Variants in RAB5A observed in about 807,000 individuals in gnomAD.
The protein encoded by RAB5A is ras-related protein Rab-5A.
RAB5A carries 8 observed loss-of-function variants against 25.7 expected under a neutral mutation model. The ratio of observed to expected loss-of-function variants is 0.31; its 90% CI spans 0.18 to 0.56. The LOEUF (loss-of-function observed/expected upper bound fraction) is 0.56. RAB5A is among the 20% of genes least tolerant of loss of function. RAB5A has a pLI of 0.91. For missense variants in RAB5A, 192 were observed against 259.7 expected (o/e 0.74, Z 1.79); for synonymous variants, 98 against 89.8 (o/e 1.09, Z -0.52).
intron 5 of RAB5A, among the ~76,000 whole-genome samples, chr3:19,980,429 T>C (rs1002992477): frequency 6.7e-6 from 1 of 148,928 alleles, no homozygotes; most frequent in African/African-American, 2.5e-5. Context: ...TTCCATTTCC[T>C]TCACTAGGTT....
rs1323306931 is a variant in RAB5A at position 19,947,437 on chromosome 3, T to C, written c.-178T>C. 3 of 157,066 alleles carry C rather than the reference T, an allele frequency of 1.9e-5. No homozygotes were observed. The highest frequency in any genetic ancestry group is 1.8e-4 in the South Asian group (1 of 5,690). 9.7% of individuals were successfully genotyped at this position (157,066 alleles called of 1,614,324 possible). On this transcript the variant is annotated 5_prime_UTR_variant, in exon 1 of 6. Transcript: ENST00000273047. Reference sequence around the variant, plus strand: ...GCCGCCGCCGCCACCACCACCGCCATAGATACACTCTCATCCTACGGGCCA... The same window carrying C: ...GCCGCCGCCGCCACCACCACCGCCACAGATACACTCTCATCCTACGGGCCA...
chr3:19,984,053 C>G lies in RAB5A; in HGVS notation c.*230C>G. 2.1e-6 allele frequency: 1 copy of G among 471,296 alleles called. No homozygotes were observed. 29.2% of individuals were successfully genotyped at this position (471,296 alleles called of 1,614,324 possible). On this transcript the variant is annotated 3_prime_UTR_variant, in exon 6 of 6. Transcript: ENST00000273047. ...GGGAAAAATGAGAACTATGTGGACA[C>G]TTGTTTCATTGGAAGGTTAGGGGGA...
At position 19,971,213 on chromosome 3, in the gene RAB5A, A is replaced by AAC. The variant is rs1553639429; in HGVS notation, c.164-4387_164-4386insCA. Among the ~76,000 whole-genome samples, 131 of 146,320 alleles carry AAC rather than the reference A, an allele frequency of 9.0e-4. 6 individuals are homozygous for AAC. The highest frequency in any genetic ancestry group is 3.5e-3 in the Middle Eastern group (1 of 288). ...ACTCCATCTCAAAAAAAAAAAAAAA[A>AAC]AACACTATAGTAGTATTTTAAAACT... On this transcript the variant is annotated intron_variant, in intron 2 of 5. Transcript: ENST00000273047.
intron 2 of RAB5A, among the ~76,000 whole-genome samples, chr3:19,953,552 C>A (rs1218969283): frequency 6.6e-6 from 1 of 151,854 alleles, no homozygotes; most frequent in South Asian, 2.1e-4. Flanking sequence ...GGACTACAGG[C>A]GCAAGCCACC....
chr3:19,958,033 T>A (rs560811632), intron 2 of RAB5A, among the ~76,000 whole-genome samples: 37 of 152,298 alleles, frequency 2.4e-4, no homozygotes, highest in African/African-American at 8.9e-4. Flanking sequence ...TTTGTATAAT[T>A]ATAATCTGTG....
intron 2 of RAB5A, among the ~76,000 whole-genome samples, chr3:19,967,371 C>T (rs1194839802): frequency 6.6e-6 from 1 of 152,182 alleles, no homozygotes; most frequent in Non-Finnish European, 1.5e-5. Flanking sequence ...TCTTGAACTC[C>T]TGACCTCGGG....
At chr3:19,967,588 T>C (rs554162133) in intron 2 of RAB5A, among the ~76,000 whole-genome samples, 2 of 152,324 alleles carry the variant, frequency 1.3e-5, no homozygotes, top group African/African-American at 4.8e-5. Flanking sequence ...AGATCACCTC[T>C]TAAGATGGAT....
At position 19,976,053 on chromosome 3, in the gene RAB5A, T is replaced by C. The variant is rs1696820406; in HGVS notation, c.322T>C (p.Phe108Leu). ...VVYDITNEES[F>L]ARAKNWVKEL... ...CTGTTTCTTTGTTTAACAGGAGTCC[T>C]TTGCAAGAGCAAAAAATTGGGTTAA... The change falls in exon 4 of 6, where the codon TTT becomes CTT. Residue 108 changes from phenylalanine (F) to leucine (L), a missense_variant. Phe to Leu is a conservative substitution (Grantham distance 22, BLOSUM62 0). Coordinates refer to ENST00000273047, the MANE Select transcript of RAB5A (RefSeq NM_004162.5). 2 of 1,611,222 alleles carry C rather than the reference T, an allele frequency of 1.2e-6. No individual in the cohort carries two copies. Among genetic ancestry groups the C allele is most frequent in the African/African-American group, 2.7e-5 (2 of 74,904 alleles).
intron 5 of RAB5A, among the ~76,000 whole-genome samples, chr3:19,981,474 TGTG>T (rs773716342): frequency 2.6e-5 from 4 of 151,524 alleles, no homozygotes; most frequent in Non-Finnish European, 5.9e-5. Flanking sequence ...ATTAGCTGGG[TGTG>T]GTGGTATGTG....
At chr3:19,980,010 T>C (rs545282255) in intron 5 of RAB5A, 1 of 152,366 alleles carries the variant, frequency 6.6e-6, no homozygotes, top group South Asian at 2.1e-4. Context: ...CAGAGTTTAA[T>C]GGTACTTCAT....
intron 5 of RAB5A, among the ~76,000 whole-genome samples, chr3:19,981,039 C>T (rs538946862): frequency 6.6e-6 from 1 of 152,298 alleles, no homozygotes; most frequent in East Asian, 1.9e-4. Flanking sequence ...AAGTTAGAGT[C>T]TTACCATAGT....
At chr3:19,966,790 T>A (rs781723236) in intron 2 of RAB5A, among the ~76,000 whole-genome samples, 2 of 152,138 alleles carry the variant, frequency 1.3e-5, no homozygotes, top group African/African-American at 2.4e-5. Flanking sequence ...ATGTGCTTAT[T>A]GGATTTATTT....
rs1198667298 is a variant in RAB5A at position 19,984,039 on chromosome 3, G to T, written c.*216G>T. 1.4e-5 allele frequency: 7 copies of T among 493,984 alleles called. No individual in the cohort carries two copies. In the Admixed American group the frequency reaches 1.5e-4, roughly 10 times the overall value. The allele number at this position is 493,984 out of a possible 1,614,324, so 30.6% of individuals were successfully genotyped here. Reference sequence around the variant, plus strand: ...ATGTTTCAACAATAGGGAAAAATGAGAACTATGTGGACACTTGTTTCATTG... The same window carrying T: ...ATGTTTCAACAATAGGGAAAAATGATAACTATGTGGACACTTGTTTCATTG... On this transcript the variant is annotated 3_prime_UTR_variant, in exon 6 of 6. Transcript: ENST00000273047.
At chr3:19,978,180 G>A in intron 4 of RAB5A, 130 bp from the exon 5 acceptor site, 1 of 702,270 alleles carries the variant, frequency 1.4e-6, no homozygotes, top group Admixed American at 2.6e-5. Flanking sequence ...TATAGTTGTT[G>A]ATTATAGATG....
At chr3:19,952,850 A>C (rs984017748) in intron 2 of RAB5A, among the ~76,000 whole-genome samples, 10 of 152,042 alleles carry the variant, frequency 6.6e-5, no homozygotes, top group Non-Finnish European at 1.5e-4. Context: ...ACTACTTCTC[A>C]AGAAGGCTTT....
intron 2 of RAB5A, among the ~76,000 whole-genome samples, chr3:19,971,061 G>A (rs553279900): frequency 6.6e-6 from 1 of 152,114 alleles, no homozygotes; most frequent in African/African-American, 2.4e-5. Flanking sequence ...GCCAGACGTG[G>A]TGGTGGCCAC....
intron 3 of RAB5A, 106 bp from the exon 4 acceptor site, chr3:19,975,941 T>C: frequency 7.0e-7 from 1 of 1,437,032 alleles, no homozygotes; most frequent in South Asian, 1.4e-5. Flanking sequence ...CCTAATAATT[T>C]CTTTCCCACA....
chr3:19,971,910 A>G (rs904256333), intron 2 of RAB5A, among the ~76,000 whole-genome samples: 2 of 152,190 alleles, frequency 1.3e-5, no homozygotes, highest in Non-Finnish European at 2.9e-5. Context: ...TGTTATCTGA[A>G]GTAGCCTCTA....
chr3:19,972,976 T>G (rs998591282), intron 2 of RAB5A, among the ~76,000 whole-genome samples: 1 of 152,174 alleles, frequency 6.6e-6, no homozygotes, highest in African/African-American at 2.4e-5. Flanking sequence ...AAAATTAACT[T>G]AGCTCCAAAA....
Sources: allele counts gnomAD v4.1 joint callset (sites outside exome capture counted in the v4.1 genomes callset), GRCh38; gene constraint gnomAD v4.1.1; transcripts MANE v1.5; gene names NCBI Gene and HGNC (gene_info 2026-07-23, HGNC 2026-07-21).